ROBO1: variants seen among roughly 807,000 people sequenced by gnomAD.
The protein encoded by ROBO1 is roundabout homolog 1.
A neutral mutation model predicts 195.9 loss-of-function variants in ROBO1; 149 were observed. The ratio of observed to expected loss-of-function variants is 0.76; its 90% CI spans 0.67 to 0.87. ROBO1 has a LOEUF of 0.87. Ranked by LOEUF, ROBO1 falls within the 40% of genes least tolerant of loss-of-function variation. ROBO1 has a pLI of 0.00. For synonymous variants in ROBO1, 816 were observed against 733.2 expected, an observed-to-expected ratio of 1.11 and a Z score of -1.82; for missense variants, 1,933 against 2,068.3, an observed-to-expected ratio of 0.93 and a Z score of 1.27.
intron 5 of ROBO1, among the ~76,000 whole-genome samples, chr3:78,724,516 A>T (rs1387864572): frequency 1.3e-4 from 1 of 7,930 alleles, no homozygotes; most frequent in Non-Finnish European, 1.9e-3. Flanking sequence ...TCTCTACTAA[A>T]AAAAAAAAAA....
intron 2 of ROBO1, among the ~76,000 whole-genome samples, chr3:79,540,308 G>T (rs962822508): frequency 2.6e-5 from 4 of 152,034 alleles, no homozygotes; most frequent in African/African-American, 9.7e-5. Context: ...AGTTCAAAAG[G>T]TTGTCCAAAG....
intron 10 of ROBO1, among the ~76,000 whole-genome samples, chr3:78,680,481 T>C (rs2080870547): frequency 6.6e-6 from 1 of 151,538 alleles, no homozygotes; most frequent in African/African-American, 2.4e-5. Flanking sequence ...CCAACAAATT[T>C]ACAAGAAAAA....
At chr3:79,112,103 T>C (rs1321505495) in intron 3 of ROBO1, among the ~76,000 whole-genome samples, 4 of 152,234 alleles carry the variant, frequency 2.6e-5, no homozygotes, top group African/African-American at 9.6e-5. Flanking sequence ...CCATTTCTTA[T>C]TACTTTGTTT....
intron 3 of ROBO1, among the ~76,000 whole-genome samples, chr3:79,087,548 C>T (rs1263661757): frequency 6.7e-6 from 1 of 149,746 alleles, no homozygotes; most frequent in Non-Finnish European, 1.5e-5. Context: ...TCTTTCCTTC[C>T]TTCTTCCTTC....
chr3:79,100,885 T>C (rs1177867475), intron 3 of ROBO1, among the ~76,000 whole-genome samples: 1 of 151,868 alleles, frequency 6.6e-6, no homozygotes, highest in African/African-American at 2.4e-5. Context: ...TGTTTTGTTC[T>C]TTAACAGAAG....
chr3:78,948,253 C>T (rs560424876), intron 3 of ROBO1, among the ~76,000 whole-genome samples: 2 of 152,240 alleles, frequency 1.3e-5, no homozygotes, highest in East Asian at 3.9e-4. Flanking sequence ...AACATTGATG[C>T]AAAAATCCTC....
chr3:79,539,253 A>T (rs7652796), intron 2 of ROBO1, among the ~76,000 whole-genome samples: 110,813 of 152,076 alleles, frequency 0.73, 41,499 homozygotes, highest in African/African-American at 0.92. Context: ...TTATCAGATA[A>T]TTTGTTATGG....
At position 79,418,080 on chromosome 3, in the gene ROBO1, T is replaced by C. The variant is rs551216314; in HGVS notation, c.88+171744A>G. On this transcript the variant is annotated intron_variant, in intron 2 of 30. Coordinates refer to ENST00000464233, the MANE Select transcript of ROBO1 (RefSeq NM_002941.4). The stretch of plus-strand genomic sequence containing the variant: ...ATATACAAGTGATTCATTGATATGA[T>C]ATTCACCTAGAATGAACATCAGCAT... Among the ~76,000 whole-genome samples, 16 of 152,292 alleles carry C rather than the reference T, an allele frequency of 1.1e-4. No individual in the cohort carries two copies. In the Middle Eastern group the frequency reaches 0.01, roughly 97 times the overall value.
chr3:78,945,968 A>G (rs1263368335), intron 3 of ROBO1, among the ~76,000 whole-genome samples: 1 of 141,214 alleles, frequency 7.1e-6, no homozygotes, highest in Non-Finnish European at 1.5e-5. Context: ...AAGTTTAGAG[A>G]AAAAAAAAAA....
rs2080972752 is a variant in ROBO1, at chr3:79,161,835, C to A, written c.89-36296G>T. On this transcript the variant is annotated intron_variant, in intron 2 of 30. Transcript: ENST00000464233. Reference sequence around the variant, plus strand: ...GGACCGTCTATCCCTAGCTTGGTACCCATGGGCACTTACTGATTTCCTGAG... The same window carrying A: ...GGACCGTCTATCCCTAGCTTGGTACACATGGGCACTTACTGATTTCCTGAG... Among the ~76,000 whole-genome samples the A allele has an allele frequency of 2.6e-5, 4 of 151,960 alleles. No homozygotes were observed. The South Asian group carries it at 8.3e-4, about 32-fold the overall frequency.
chr3:78,873,140 G>A (rs1029520971), intron 4 of ROBO1, among the ~76,000 whole-genome samples: 2 of 151,974 alleles, frequency 1.3e-5, no homozygotes, highest in African/African-American at 2.4e-5. Context: ...CAGTCTTGGG[G>A]GAATATTGAA....
intron 3 of ROBO1, among the ~76,000 whole-genome samples, chr3:79,037,493 T>A (rs905493026): frequency 3.9e-5 from 6 of 152,170 alleles, no homozygotes; most frequent in South Asian, 2.1e-4. Context: ...GAGATTCTGT[T>A]ATTCACTCAA....
chr3:79,386,983 G>A (rs912535498), intron 2 of ROBO1, among the ~76,000 whole-genome samples: 11 of 152,116 alleles, frequency 7.2e-5, no homozygotes, highest in African/African-American at 2.7e-4. Flanking sequence ...TGTCAGAATG[G>A]TGACTTGTCA....
chr3:78,836,322 C>CT (rs1483759645), intron 4 of ROBO1, among the ~76,000 whole-genome samples: 4 of 151,894 alleles, frequency 2.6e-5, no homozygotes, highest in African/African-American at 9.7e-5. Flanking sequence ...ACCATCCTGG[C>CT]TAACACGGTG....
At chr3:78,851,510 G>A (rs1205341847) in intron 4 of ROBO1, among the ~76,000 whole-genome samples, 1 of 152,092 alleles carries the variant, frequency 6.6e-6, no homozygotes, top group Non-Finnish European at 1.5e-5. Flanking sequence ...ACTCCATGGA[G>A]AGCACTTGGC....
chr3:79,184,612 T>C (rs1576786376), intron 2 of ROBO1, among the ~76,000 whole-genome samples: 1 of 151,962 alleles, frequency 6.6e-6, no homozygotes. Flanking sequence ...TCAGCTTGGG[T>C]TTTTCCTTCA....
At chr3:79,483,882 CAGA>C (rs1246216659) in intron 2 of ROBO1, among the ~76,000 whole-genome samples, 1 of 151,828 alleles carries the variant, frequency 6.6e-6, no homozygotes, top group African/African-American at 2.4e-5. Context: ...GCAGTTCATG[CAGA>C]AGGAGAGTGC....
chr3:79,058,668 T>C (rs1211629892), intron 3 of ROBO1, among the ~76,000 whole-genome samples: 4 of 150,074 alleles, frequency 2.7e-5, no homozygotes, highest in Admixed American at 6.7e-5. Context: ...AATCAAACTG[T>C]CCAATGCATT....
intron 4 of ROBO1, among the ~76,000 whole-genome samples, chr3:78,855,907 C>T (rs991354195): frequency 2.0e-5 from 3 of 151,688 alleles, no homozygotes; most frequent in Middle Eastern, 3.2e-3. Context: ...TAAATACTAA[C>T]GGAAATGAAA....
Sources: allele counts gnomAD v4.1 joint callset (sites outside exome capture counted in the v4.1 genomes callset), GRCh38; gene constraint gnomAD v4.1.1; transcripts MANE v1.5; gene names NCBI Gene and HGNC (gene_info 2026-07-23, HGNC 2026-07-21).